The following CDH11 variants were observed in gnomAD, a reference collection of about 807,000 sequenced individuals.
The protein encoded by CDH11 is cadherin 11.
CDH11 carries 11 observed loss-of-function variants against 67.8 expected under a neutral mutation model. The observed-to-expected ratio is 0.16, with a 90% confidence interval of 0.10 to 0.27. The LOEUF is 0.27. CDH11 is among the 10% of genes least tolerant of loss of function. CDH11 has a pLI of 1.00. For missense variants in CDH11, 847 were observed against 1,031.2 expected (o/e 0.82, Z 2.45); for synonymous variants, 419 against 400.0 (o/e 1.05, Z -0.57).
At chr16:64,971,879 C>T (rs1189825168) in intron 10 of CDH11, 52 bp downstream of exon 10, 4 of 1,598,888 alleles carry the variant, frequency 2.5e-6, no homozygotes, top group Middle Eastern at 1.7e-4. Context: ...AAAAAACACA[C>T]TCTATTTCCA....
intron 3 of CDH11, among the ~76,000 whole-genome samples, chr16:65,001,116 C>T (rs887851247): frequency 3.3e-5 from 5 of 152,044 alleles, no homozygotes; most frequent in African/African-American, 4.8e-5. Context: ...TGATTTGCAG[C>T]GCTTCAGTGA....
intron 11 of CDH11, among the ~76,000 whole-genome samples, chr16:64,966,880 C>T (rs930902780): frequency 2.6e-4 from 39 of 152,112 alleles, no homozygotes; most frequent in African/African-American, 9.4e-4. Flanking sequence ...AATAGATGAA[C>T]AGACTTTACA....
chr16:65,021,786 G>C (rs1367171652), intron 2 of CDH11, among the ~76,000 whole-genome samples: 2 of 149,166 alleles, frequency 1.3e-5, no homozygotes, highest in Admixed American at 1.3e-4. Flanking sequence ...CCTTAACTAA[G>C]GTTATGGCTT....
At chr16:65,085,980 A>AACTT (rs1330612333) in intron 1 of CDH11, among the ~76,000 whole-genome samples, 6 of 152,220 alleles carry the variant, frequency 3.9e-5, no homozygotes, top group African/African-American at 1.4e-4. Context: ...AACTAGCTTT[A>AACTT]ACTTAGAAGT....
At chr16:65,056,261 G>C (rs1259384095) in intron 1 of CDH11, among the ~76,000 whole-genome samples, 4 of 152,172 alleles carry the variant, frequency 2.6e-5, no homozygotes, top group African/African-American at 9.7e-5. Flanking sequence ...AAGCTGTATG[G>C]CTGGAGAGAG....
At chr16:65,085,809 G>C (rs1449243354) in intron 1 of CDH11, among the ~76,000 whole-genome samples, 1 of 152,198 alleles carries the variant, frequency 6.6e-6, no homozygotes, top group Non-Finnish European at 1.5e-5. Flanking sequence ...CCTCAGCAAA[G>C]CACTTTCATT....
intron 4 of CDH11, among the ~76,000 whole-genome samples, 162 bp from the exon 5 acceptor site, chr16:64,993,196 A>ACCTTCCCTCCTTCCTT (rs2072675483): frequency 6.8e-6 from 1 of 147,102 alleles, no homozygotes. Context: ...CAGCCAACCA[A>ACCTTCCCTCCTTCCTT]CCTTCCTTCC....
At chr16:64,996,173 G>A (rs1426069763) in intron 4 of CDH11, among the ~76,000 whole-genome samples, 2 of 152,094 alleles carry the variant, frequency 1.3e-5, no homozygotes, top group Admixed American at 1.3e-4. Flanking sequence ...AAAGCAATTT[G>A]GAGAAGTCTC....
chr16:65,033,427 T>C (rs1317622469), intron 2 of CDH11, among the ~76,000 whole-genome samples: 2 of 152,148 alleles, frequency 1.3e-5, no homozygotes, highest in Admixed American at 1.3e-4. Context: ...AGATGAGCCA[T>C]TTAAAATTAA....
intron 3 of CDH11, among the ~76,000 whole-genome samples, chr16:65,000,588 G>T (rs958395941): frequency 6.6e-6 from 1 of 152,096 alleles, no homozygotes; most frequent in South Asian, 2.1e-4. Context: ...CTTGAGGTCG[G>T]GGGTTCGAGA....
At position 64,947,507 on chromosome 16, in the gene CDH11, G is replaced by T; in HGVS notation, c.*96C>A. The T allele has an allele frequency of 6.6e-7, 1 of 1,513,880 alleles. No individual in the cohort carries two copies. The highest frequency in any genetic ancestry group is 1.4e-5 in the South Asian group (1 of 73,124). The allele number at this position is 1,513,880 out of a possible 1,614,324, so 93.8% of individuals were successfully genotyped here. A position where few individuals can be genotyped will look rare whatever the true frequency, so the allele number is the denominator to read the frequency against. On this transcript the variant is annotated 3_prime_UTR_variant, in exon 13 of 13. Coordinates refer to ENST00000268603, the MANE Select transcript of CDH11 (RefSeq NM_001797.4). ...GTAAAACTTTGCCTGTTTTAAATGA[G>T]CCTTTCCTTGATTTAAAAAAATACC...
intron 4 of CDH11, among the ~76,000 whole-genome samples, chr16:64,997,360 C>A (rs1170648983): frequency 6.7e-6 from 1 of 148,504 alleles, no homozygotes; most frequent in Non-Finnish European, 1.5e-5. Flanking sequence ...CATGTACCCC[C>A]TGAATCTAAA....
intron 8 of CDH11, among the ~76,000 whole-genome samples, chr16:64,973,717 G>C (rs1457966617): frequency 6.6e-6 from 1 of 152,024 alleles, no homozygotes; most frequent in East Asian, 1.9e-4. Context: ...TGAGGCATGA[G>C]AATCATTGAA....
chr16:65,045,028 C>T lies in CDH11; in HGVS notation c.-173+8776G>A, dbSNP rs1048948400. 5.9e-5 allele frequency among the ~76,000 whole-genome samples: 9 copies of T among 151,788 alleles called. No individual in the cohort carries two copies. In the South Asian group the frequency reaches 6.2e-4, roughly 11 times the overall value. ...ATCCCACACTGTGTGGGGGCTGGCA[C>T]GGCAGGGACGTGTGCTCCGGCTGAA... is the stretch of plus-strand genomic sequence containing the variant. On this transcript the variant is annotated intron_variant, in intron 2 of 12. Coordinates refer to ENST00000268603, the MANE Select transcript of CDH11 (RefSeq NM_001797.4).
chr16:65,008,504 G>C (rs895127200), intron 2 of CDH11, among the ~76,000 whole-genome samples: 1 of 152,142 alleles, frequency 6.6e-6, no homozygotes, highest in Non-Finnish European at 1.5e-5. Context: ...CTTAGCTACT[G>C]TTCTAAAAGC....
chr16:64,975,601 G>A (rs1036110082), intron 8 of CDH11, among the ~76,000 whole-genome samples: 4 of 152,192 alleles, frequency 2.6e-5, no homozygotes, highest in Admixed American at 6.5e-5. Context: ...TCTCACCTGA[G>A]TGTCTGAGAG....
At chr16:65,077,674 T>A (rs1471416127) in intron 1 of CDH11, among the ~76,000 whole-genome samples, 2 of 152,336 alleles carry the variant, frequency 1.3e-5, no homozygotes, top group African/African-American at 4.8e-5. Context: ...CAACACAATA[T>A]GCTTCACAAG....
chr16:64,989,609 T>A (rs546667698), intron 6 of CDH11, among the ~76,000 whole-genome samples: 1 of 152,138 alleles, frequency 6.6e-6, no homozygotes. Flanking sequence ...AGCCTTCTGG[T>A]GAGAGAGAAG....
At chr16:65,040,099 T>C (rs1488842594) in intron 2 of CDH11, among the ~76,000 whole-genome samples, 1 of 152,220 alleles carries the variant, frequency 6.6e-6, no homozygotes, top group African/African-American at 2.4e-5. Flanking sequence ...ACTTTTACAC[T>C]GTTGGTGGGA....
Sources: gnomAD v4.1 joint callset for allele counts (sites outside exome capture counted in the v4.1 genomes callset) on GRCh38, gnomAD v4.1.1 for gene constraint, MANE v1.5 for transcripts, NCBI Gene and HGNC (gene_info 2026-07-23, HGNC 2026-07-21) for gene names.